Variants in CFAP119 observed in about 807,000 individuals in gnomAD.
CFAP119 encodes cilia- and flagella-associated protein 119.
chr16:30,759,969 C>G, the CFAP119 span: 1 of 1,451,952 alleles, frequency 6.9e-7, no homozygotes, highest in East Asian at 2.5e-5. Context: ...GGGAATAAAC[C>G]AAGAAATAGA....
chr16:30,760,089 T>TA, the CFAP119 span: 1 of 1,537,472 alleles, frequency 6.5e-7, no homozygotes, highest in East Asian at 2.4e-5. Context: ...AACAGTCCTG[T>TA]AAAATGTGTG....
At chr16:30,757,591 T>A in the CFAP119 span, 14 of 1,614,190 alleles carry the variant, frequency 8.7e-6, no homozygotes, top group Non-Finnish European at 1.2e-5. Context: ...CACCAGCCCC[T>A]GGAGCTGCTC....
chr16:30,759,556 G>C, the CFAP119 span: 1 of 1,614,134 alleles, frequency 6.2e-7, no homozygotes, highest in South Asian at 1.1e-5. Context: ...GCCCACTGGG[G>C]TCTTCACAAG....
At chr16:30,760,469 G>C in the CFAP119 span, 1 of 1,613,346 alleles carries the variant, frequency 6.2e-7, no homozygotes, top group South Asian at 1.1e-5. Flanking sequence ...GAGGGAGAGA[G>C]GAGTGAGTGA....
chr16:30,759,571 T>C, the CFAP119 span: 1 of 1,614,038 alleles, frequency 6.2e-7, no homozygotes, highest in East Asian at 2.2e-5. Flanking sequence ...CACAAGAAGA[T>C]AAGGGTGATG....
At chr16:30,758,726 T>G in the CFAP119 span, 1 of 424,068 alleles carries the variant, frequency 2.4e-6, no homozygotes, top group South Asian at 2.4e-5. Context: ...TGGCTATTTT[T>G]TGTATTTTAG....
At chr16:30,761,547 GA>G in the CFAP119 span, 5 of 1,536,174 alleles carry the variant, frequency 3.3e-6, no homozygotes, top group Non-Finnish European at 4.4e-6. Flanking sequence ...GCCCTCACCG[GA>G]AACAAGTTGG....
At chr16:30,760,064 T>C in the CFAP119 span, 2 of 1,530,918 alleles carry the variant, frequency 1.3e-6, no homozygotes, top group Non-Finnish European at 1.7e-6. Flanking sequence ...TATATTTGCA[T>C]ATATTATTTC....
At chr16:30,761,510 ATATT>A in the CFAP119 span, 3 of 1,535,220 alleles carry the variant, frequency 2.0e-6, no homozygotes, top group East Asian at 7.3e-5. Context: ...CGGTTTATAA[ATATT>A]CACGAGCAGA....
chr16:30,759,419 G>A, the CFAP119 span: 2 of 1,614,248 alleles, frequency 1.2e-6, no homozygotes, highest in Non-Finnish European at 1.7e-6. Context: ...AAGGCCAGCA[G>A]CTGTTCCTCT....
chr16:30,761,662 C>T, the CFAP119 span: 1 of 1,535,922 alleles, frequency 6.5e-7, no homozygotes, highest in Non-Finnish European at 8.7e-7. Context: ...TGCGATCCTT[C>T]CCCGCTTCCC....
the CFAP119 span, chr16:30,760,053 A>G: frequency 4.6e-6 from 7 of 1,526,214 alleles, no homozygotes; most frequent in Admixed American, 6.0e-5. Context: ...TGCACTATGC[A>G]TATATTTGCA....
chr16:30,758,431 T>C, the CFAP119 span: 5 of 157,354 alleles, frequency 3.2e-5, no homozygotes, highest in Non-Finnish European at 7.0e-5. Context: ...GCAGGTTTGC[T>C]ACGTAGGTAT....
chr16:30,757,574 G>T, the CFAP119 span: 74 of 1,614,056 alleles, frequency 4.6e-5, no homozygotes, highest in Non-Finnish European at 6.1e-5. Flanking sequence ...GCCTTGAGCC[G>T]CTCCTCCACC....
the CFAP119 span, chr16:30,759,004 A>G: frequency 1.2e-6 from 2 of 1,614,176 alleles, no homozygotes; most frequent in African/African-American, 2.7e-5. Context: ...CCCTCTCCAG[A>G]TCCTCACTTG....
At chr16:30,761,096 G>T in the CFAP119 span, 2 of 1,359,418 alleles carry the variant, frequency 1.5e-6, no homozygotes, top group Admixed American at 1.9e-5. Flanking sequence ...CCAGGCCTCA[G>T]TCTCATCTGT....
chr16:30,762,037 C>A, the CFAP119 span: 5 of 481,084 alleles, frequency 1.0e-5, no homozygotes, highest in Non-Finnish European at 1.8e-5. Context: ...CCCACCTGGG[C>A]GCCCTCTCTT....
chr16:30,762,019 T>C, the CFAP119 span: 2 of 507,530 alleles, frequency 3.9e-6, no homozygotes, highest in Admixed American at 7.5e-5. Context: ...CGTGAGAAGT[T>C]GCGAGTGCCC....
At chr16:30,759,979 A>G in the CFAP119 span, 14 of 1,455,200 alleles carry the variant, frequency 9.6e-6, no homozygotes, top group Admixed American at 3.4e-4. Context: ...CAAGAAATAG[A>G]TCATTTCAGC....
Sources: allele counts gnomAD v4.1 joint callset, GRCh38; gene constraint gnomAD v4.1.1; transcripts MANE v1.5; gene names NCBI Gene and HGNC (gene_info 2026-07-23, HGNC 2026-07-21).